Variants in TRERF1 observed in about 807,000 individuals in gnomAD.
The protein encoded by TRERF1 is transcriptional-regulating factor 1.
In TRERF1, 27 loss-of-function variants were observed where a neutral mutation model predicts 122.9. The ratio of observed to expected loss-of-function variants is 0.22; its 90% CI spans 0.16 to 0.30. The LOEUF is 0.30. Among genes scored for constraint, TRERF1 ranks in the 10% least tolerant of loss-of-function variants. TRERF1 has a pLI of 1.00. For missense variants in TRERF1, 1,248 were observed against 1,560.3 expected (o/e 0.80, Z 3.37); for synonymous variants, 636 against 641.7 (o/e 0.99, Z 0.13).
rs77512969 is a variant in TRERF1 at position 42,401,454 on chromosome 6, A to G, written c.-453-38375T>C. On this transcript the variant is annotated intron_variant, in intron 2 of 17. Coordinates refer to ENST00000372922, the Ensembl canonical transcript of TRERF1. The stretch of plus-strand genomic sequence containing the variant: ...ATGCTTAAAACCACCCAATTCAGGA[A>G]AATTGTTATTATCCCCATTTTACGG... Among the ~76,000 whole-genome samples, 622 of 152,286 alleles carry G rather than the reference A, an allele frequency of 4.1e-3. 6 individuals carry two copies. Among genetic ancestry groups the G allele is most frequent in the African/African-American group, 0.014 (597 of 41,550 alleles).
intron 2 of TRERF1, among the ~76,000 whole-genome samples, chr6:42,422,263 T>C (rs898467779): frequency 2.6e-5 from 4 of 152,088 alleles, no homozygotes; most frequent in African/African-American, 9.7e-5. Flanking sequence ...CTCACACCTG[T>C]AATCCTGGCA....
chr6:42,451,465 G>C (rs1209849763), intron 1 of TRERF1, among the ~76,000 whole-genome samples: 2 of 151,354 alleles, frequency 1.3e-5, no homozygotes, highest in African/African-American at 4.9e-5. Context: ...GGAAGCTTTG[G>C]GTTTCCAAAG....
chr6:42,420,446 C>G (rs1358779970), intron 2 of TRERF1, among the ~76,000 whole-genome samples: 1 of 152,172 alleles, frequency 6.6e-6, no homozygotes, highest in East Asian at 1.9e-4. Flanking sequence ...AGAGGAGGAA[C>G]AGAATGCTGC....
chr6:42,325,031 A>G (rs910681879), intron 3 of TRERF1, among the ~76,000 whole-genome samples: 72 of 152,336 alleles, frequency 4.7e-4, no homozygotes, highest in Middle Eastern at 3.4e-3. Flanking sequence ...TCCAGAATCT[A>G]TAAGGAACTT....
At position 42,262,536 on chromosome 6, in the gene TRERF1, A is replaced by C. The variant is rs879398042; in HGVS notation, c.1884+784T>G. Among the ~76,000 whole-genome samples the C allele has an allele frequency of 1.3e-3, 92 of 71,108 alleles. 9 individuals are homozygous for C. The highest frequency in any genetic ancestry group is 9.4e-3 in the East Asian group (16 of 1,694). The allele number at this position is 71,108 out of a possible 152,430, so 46.6% of individuals were successfully genotyped here. The stretch of plus-strand genomic sequence containing the variant: ...GAGAGAGAGAGAGAGAGAGAGAGAG[A>C]GAGAGAGAGAGAGAGAGAGAGAGAG... On this transcript the variant is annotated intron_variant, in intron 8 of 17. Transcript: ENST00000372922.
chr6:42,309,681 C>T (rs1013385766), intron 3 of TRERF1, among the ~76,000 whole-genome samples: 2 of 152,110 alleles, frequency 1.3e-5, no homozygotes, highest in African/African-American at 4.8e-5. Flanking sequence ...CAGCACTGGC[C>T]TTTGTAGAGC....
At chr6:42,406,672 C>A (rs1484875377) in intron 2 of TRERF1, among the ~76,000 whole-genome samples, 1 of 152,178 alleles carries the variant, frequency 6.6e-6, no homozygotes, top group Non-Finnish European at 1.5e-5. Context: ...CTTAGCCAGT[C>A]ACTAGCCCCT....
rs1204872210 is a variant in TRERF1, at chr6:42,295,186, T to C, written c.-259+5452A>G. Among the ~76,000 whole-genome samples the C allele has an allele frequency of 2.6e-5, 4 of 152,210 alleles. No individual in the cohort carries two copies. In the East Asian group the frequency reaches 7.7e-4, roughly 29 times the overall value. The stretch of plus-strand genomic sequence containing the variant: ...CCCTAGAAACCTTCACCCTTCTAAA[T>C]ATTTGAGCAATGCCTGGAAAAAGAT... On this transcript the variant is annotated intron_variant, in intron 4 of 17. Coordinates refer to ENST00000372922, the Ensembl canonical transcript of TRERF1.
At chr6:42,356,432 G>A (rs756811757) in intron 3 of TRERF1, among the ~76,000 whole-genome samples, 2 of 152,208 alleles carry the variant, frequency 1.3e-5, no homozygotes, top group Non-Finnish European at 2.9e-5. Context: ...GTCTCTGAGT[G>A]CACAAGGAAG....
intron 3 of TRERF1, among the ~76,000 whole-genome samples, chr6:42,355,147 C>T (rs776402299): frequency 2.0e-5 from 3 of 152,128 alleles, no homozygotes; most frequent in South Asian, 4.1e-4. Flanking sequence ...GAAGAGGTAA[C>T]GAGTGATGCC....
chr6:42,313,515 C>T (rs1041315703), intron 3 of TRERF1, among the ~76,000 whole-genome samples: 7 of 152,128 alleles, frequency 4.6e-5, no homozygotes, highest in Non-Finnish European at 7.3e-5. Flanking sequence ...CCCAAGAGTC[C>T]CTCTCCATCT....
At chr6:42,381,004 C>T (rs913317004) in intron 2 of TRERF1, among the ~76,000 whole-genome samples, 3 of 152,180 alleles carry the variant, frequency 2.0e-5, no homozygotes, top group African/African-American at 4.8e-5. Flanking sequence ...AGTCAGAAAG[C>T]AAGACTCAAA....
chr6:42,245,717 C>T (rs1774663469), intron 14 of TRERF1, among the ~76,000 whole-genome samples: 1 of 152,216 alleles, frequency 6.6e-6, no homozygotes, highest in South Asian at 2.1e-4. Flanking sequence ...AATAGGAGTT[C>T]AACACCAGAA....
At chr6:42,318,479 A>T (rs1341878284) in intron 3 of TRERF1, among the ~76,000 whole-genome samples, 1 of 152,186 alleles carries the variant, frequency 6.6e-6, no homozygotes, top group Admixed American at 6.5e-5. Flanking sequence ...TCAGTGAAAC[A>T]GCCAAGACGA....
At chr6:42,258,287 CATA>C in intron 9 of TRERF1, 86 bp from the exon 10 acceptor site, 1 of 1,194,254 alleles carries the variant, frequency 8.4e-7, no homozygotes. Context: ...CCTAACCAGC[CATA>C]ATAGAGCTTC....
At chr6:42,378,977 G>A (rs1457182377) in intron 2 of TRERF1, among the ~76,000 whole-genome samples, 1 of 152,040 alleles carries the variant, frequency 6.6e-6, no homozygotes, top group Non-Finnish European at 1.5e-5. Flanking sequence ...AAAATAGGCA[G>A]GCATGGTGGC....
At chr6:42,327,904 T>C (rs1764566305) in intron 3 of TRERF1, among the ~76,000 whole-genome samples, 1 of 151,888 alleles carries the variant, frequency 6.6e-6, no homozygotes, top group Non-Finnish European at 1.5e-5. Flanking sequence ...CTCGGTGTGT[T>C]TGAGGGCCAG....
rs754872403 is a variant in TRERF1 at position 42,229,595 on chromosome 6, CT to C, written c.3279-927del. 3.8e-4 allele frequency among the ~76,000 whole-genome samples: 58 copies of C among 152,286 alleles called. 1 individual carries two copies. The highest frequency in any genetic ancestry group is 3.5e-4 in the Non-Finnish European group (24 of 68,020). ...TCTGTGTGGCCAAATTCAGTGGCCC[CT>C]GTCTTTATTGTACTTGACTTCTGAG... On this transcript the variant is annotated intron_variant, in intron 17 of 17. Coordinates refer to ENST00000372922, the Ensembl canonical transcript of TRERF1.
chr6:42,396,022 GCA>G (rs1166828906), intron 2 of TRERF1, among the ~76,000 whole-genome samples: 1 of 152,004 alleles, frequency 6.6e-6, no homozygotes, highest in African/African-American at 2.4e-5. Context: ...GTGTATGTGT[GCA>G]CACACACACA....
Sources: gnomAD v4.1 joint callset for allele counts (sites outside exome capture counted in the v4.1 genomes callset) on GRCh38, gnomAD v4.1.1 for gene constraint, MANE v1.5 for transcripts, NCBI Gene and HGNC (gene_info 2026-07-23, HGNC 2026-07-21) for gene names.